The following PCBP3 variants were observed in gnomAD, a reference collection of about 807,000 sequenced individuals.
The protein encoded by PCBP3 is poly(rC) binding protein 3, also known as poly(rC)-binding protein 3.
A neutral mutation model predicts 52.7 loss-of-function variants in PCBP3; 25 were observed. The observed-to-expected ratio is 0.47, with a 90% CI of 0.35 to 0.66. The LOEUF (loss-of-function observed/expected upper bound fraction) is 0.66. Ranked by LOEUF, PCBP3 falls within the 30% of genes least tolerant of loss-of-function variation. PCBP3 has a pLI of 0.01. For missense variants in PCBP3, 391 were observed against 490.3 expected, an observed-to-expected ratio of 0.80 and a Z score of 1.91; for synonymous variants, 162 against 183.0, an observed-to-expected ratio of 0.89 and a Z score of 0.93.
At chr21:45,857,218 T>C (rs1384159787) in intron 5 of PCBP3, among the ~76,000 whole-genome samples, 1 of 152,350 alleles carries the variant, frequency 6.6e-6, no homozygotes, top group African/African-American at 2.4e-5. Context: ...TCTCAAGATA[T>C]GGCAAAGAAA....
rs1603434013 is a variant in PCBP3 at position 45,802,664 on chromosome 21, TG to T, written c.-126+47215del. On this transcript the variant is annotated intron_variant, in intron 4 of 17. Transcript: ENST00000681687. The surrounding 1 kb of genome is among the most constrained non-coding windows in gnomAD (Gnocchi z 5.1). ...AGGGCAGGAGGTCAGATTGTGTGTT[TG>T]GGATGTTCCTCTCCTTCATGGGGAG... is the stretch of plus-strand genomic sequence containing the variant. Among the ~76,000 whole-genome samples, 2 of 152,132 alleles carry T rather than the reference TG, an allele frequency of 1.3e-5. No individual in the cohort carries two copies. The highest frequency in any genetic ancestry group is 3.9e-4 in the East Asian group (2 of 5,144).
chr21:45,733,412 A>G (rs1160983738), intron 2 of PCBP3, among the ~76,000 whole-genome samples: 1 of 151,856 alleles, frequency 6.6e-6, no homozygotes, highest in Admixed American at 6.6e-5. Context: ...TCAGCCTCCC[A>G]AGTAGCTGGG....
intron 2 of PCBP3, among the ~76,000 whole-genome samples, chr21:45,712,528 A>T (rs564436859): frequency 2.8e-4 from 42 of 152,004 alleles, no homozygotes; most frequent in African/African-American, 9.7e-4. Flanking sequence ...TTGAAAACTG[A>T]CTCTTCTGTA....
At chr21:45,738,957 G>A (rs1185926565) in intron 3 of PCBP3, among the ~76,000 whole-genome samples, 4 of 70,576 alleles carry the variant, frequency 5.7e-5, no homozygotes, top group Admixed American at 2.0e-4. Context: ...TCCTGTCCAC[G>A]GTCCTCTGGG....
At chr21:45,680,727 T>C (rs1475908875) in intron 2 of PCBP3, among the ~76,000 whole-genome samples, 1 of 152,178 alleles carries the variant, frequency 6.6e-6, no homozygotes, top group Non-Finnish European at 1.5e-5. Context: ...CAGCACTACG[T>C]GGAATATAAG....
intron 3 of PCBP3, among the ~76,000 whole-genome samples, chr21:45,754,826 C>G (rs921914106): frequency 1.2e-4 from 19 of 152,280 alleles, no homozygotes; most frequent in Admixed American, 1.1e-3. Flanking sequence ...AAATAATACT[C>G]AGTTCAAGGA....
At chr21:45,823,263 C>T (rs1341498478) in intron 4 of PCBP3, among the ~76,000 whole-genome samples, 4 of 152,196 alleles carry the variant, frequency 2.6e-5, no homozygotes, top group Admixed American at 6.5e-5. Flanking sequence ...CTCCCCAGCG[C>T]CCGCTGGCAT....
At chr21:45,893,682 T>A (rs2095746785) in intron 5 of PCBP3, 1 of 897,358 alleles carries the variant, frequency 1.1e-6, no homozygotes, top group African/African-American at 2.4e-5. Flanking sequence ...CCTGTCCCAT[T>A]GCATGGGCTA....
intron 3 of PCBP3, chr21:45,751,353 A>G (rs973436235): frequency 3.9e-5 from 6 of 152,098 alleles, no homozygotes; most frequent in Non-Finnish European, 8.8e-5. Context: ...ATAACATTAC[A>G]TTTGCTATTT....
rs775515019 is a variant in PCBP3, at chr21:45,910,991, C to T, written c.561C>T (p.Ile187=). Residue 187 remains isoleucine, a synonymous_variant, in exon 11 of 18, where the codon ATC becomes ATT. Coordinates refer to ENST00000681687, the MANE Select transcript of PCBP3 (RefSeq NM_001384156.1). The part of the protein sequence containing the change: ...AVTISGTPDA[I]IQCVKQICVV... ...CCATCTCGGGGACCCCAGATGCCAT[C>T]ATCCAGTGCGTCAAGCAGATCTGTG... 1.2e-6 allele frequency: 2 copies of T among 1,612,042 alleles called. No homozygotes were observed. Among genetic ancestry groups the T allele is most frequent in the Non-Finnish European group, 1.7e-6 (2 of 1,179,948 alleles).
chr21:45,747,789 G>T (rs954754892), intron 3 of PCBP3, among the ~76,000 whole-genome samples: 1 of 152,198 alleles, frequency 6.6e-6, no homozygotes, highest in African/African-American at 2.4e-5. Flanking sequence ...GACTGCCATG[G>T]GCCCAGCGGA....
chr21:45,815,681 G>A (rs1367626688), intron 4 of PCBP3, among the ~76,000 whole-genome samples: 166 of 50,374 alleles, frequency 3.3e-3, no homozygotes, highest in Non-Finnish European at 4.1e-3. Flanking sequence ...TGAGTGAGTG[G>A]TGAGTGAGTG....
intron 4 of PCBP3, among the ~76,000 whole-genome samples, chr21:45,847,996 C>T (rs1216863055): frequency 1.3e-5 from 2 of 152,204 alleles, no homozygotes; most frequent in Non-Finnish European, 2.9e-5. Flanking sequence ...GCGTCTCTCA[C>T]CTCTTGGTCA....
Position 45,939,734 on chromosome 21 carries a change from C to T in PCBP3, c.910-296C>T, listed in dbSNP as rs575228687. Among the ~76,000 whole-genome samples, 6 of 152,296 alleles carry T rather than the reference C, an allele frequency of 3.9e-5. No homozygotes were observed. The East Asian group carries it at 9.7e-4, about 25-fold the overall frequency. The stretch of plus-strand genomic sequence containing the variant: ...GGTGACCAGTGTGGAGCACCCAGGC[C>T]GAGTGACTGTGCCTCTTGGCTGGGT... On this transcript the variant is annotated intron_variant, in intron 16 of 17. Transcript: ENST00000681687.
chr21:45,773,911 C>T (rs1248316624), intron 4 of PCBP3, among the ~76,000 whole-genome samples: 1 of 152,190 alleles, frequency 6.6e-6, no homozygotes, highest in Admixed American at 6.5e-5. Context: ...TTTCTTTCAT[C>T]AGCACTTTGT....
intron 3 of PCBP3, among the ~76,000 whole-genome samples, chr21:45,746,084 C>T (rs1301001411): frequency 2.3e-5 from 3 of 132,830 alleles, no homozygotes; most frequent in Non-Finnish European, 3.1e-5. Flanking sequence ...GTAGCGCACA[C>T]GGTGTTGTCA....
intron 4 of PCBP3, among the ~76,000 whole-genome samples, chr21:45,777,853 A>G (rs952341323): frequency 2.0e-5 from 3 of 151,512 alleles, no homozygotes; most frequent in East Asian, 1.9e-4. Context: ...ATTCTCTTGT[A>G]TCTCACTGAG....
Position 45,891,720 on chromosome 21 carries a change from C to T in PCBP3, c.11-4488C>T, listed in dbSNP as rs369988699. Among the ~76,000 whole-genome samples, 467 of 152,310 alleles carry T rather than the reference C, an allele frequency of 3.1e-3. 1 individual carries two copies. Among genetic ancestry groups the T allele is most frequent in the African/African-American group, 0.01 (431 of 41,568 alleles). ...GCAGCCTATTAACCATCAATGATAC[C>T]TTTAAAAGGCCATGACACCACATTA... On this transcript the variant is annotated intron_variant, in intron 5 of 17. Coordinates refer to ENST00000681687, the MANE Select transcript of PCBP3 (RefSeq NM_001384156.1).
rs538641807 is a variant in PCBP3 at position 45,921,394 on chromosome 21, G to A, written c.717+3765G>A. Reference sequence around the variant, plus strand: ...TGGGCCCATGAATAAGAAACATCAAGCATAAGAAAATACATTCCTTAGGTT... The same window carrying A: ...TGGGCCCATGAATAAGAAACATCAAACATAAGAAAATACATTCCTTAGGTT... On this transcript the variant is annotated intron_variant, in intron 13 of 17. Coordinates refer to ENST00000681687, the MANE Select transcript of PCBP3 (RefSeq NM_001384156.1). Among the ~76,000 whole-genome samples the A allele has an allele frequency of 9.2e-5, 14 of 152,264 alleles. No homozygotes were observed. The South Asian group carries it at 2.9e-3, about 32-fold the overall frequency.
Sources: allele counts gnomAD v4.1 joint callset (sites outside exome capture counted in the v4.1 genomes callset), GRCh38; gene constraint gnomAD v4.1.1; non-coding constraint Gnocchi (gnomAD v3.1); transcripts MANE v1.5; gene names NCBI Gene and HGNC (gene_info 2026-07-23, HGNC 2026-07-21).